TRMT9B: variants seen among roughly 807,000 people sequenced by gnomAD.
TRMT9B encodes the protein tRNA methyltransferase 9B (putative), also known as probable tRNA methyltransferase 9B.
Under a neutral mutation model 11.5 loss-of-function variants are expected in TRMT9B, and 16 were observed. The ratio of observed to expected loss-of-function variants is 1.39; its 90% CI spans 0.94 to 2.11. The LOEUF is 2.11. TRMT9B is among the 30% of genes most tolerant of loss of function. TRMT9B has a pLI of 0.00. For synonymous variants in TRMT9B, 274 were observed against 192.4 expected (o/e 1.42, Z -3.51); for missense variants, 941 against 553.8 (o/e 1.70, Z -7.02).
chr8:12,954,585 ATG>A (rs1376965487), intron 1 of TRMT9B, among the ~76,000 whole-genome samples: 1 of 152,204 alleles, frequency 6.6e-6, no homozygotes, highest in Non-Finnish European at 1.5e-5. Context: ...GTGCAATCTT[ATG>A]TTTTTACTCG....
chr8:12,986,658 TG>T (rs1806364938), intron 1 of TRMT9B, among the ~76,000 whole-genome samples: 1 of 152,230 alleles, frequency 6.6e-6, no homozygotes. Flanking sequence ...AAGTTTCCTT[TG>T]CTTTACCTTG....
At chr8:12,997,793 T>C (rs1808632751) in intron 2 of TRMT9B, among the ~76,000 whole-genome samples, 1 of 152,234 alleles carries the variant, frequency 6.6e-6, no homozygotes, top group Admixed American at 6.5e-5. Context: ...CCATAGGCTA[T>C]GCATATGTGT....
chr8:12,987,324 T>C (rs1283338461), intron 1 of TRMT9B, among the ~76,000 whole-genome samples: 2 of 152,178 alleles, frequency 1.3e-5, no homozygotes, highest in Admixed American at 1.3e-4. Flanking sequence ...AAATAATTAA[T>C]ACAGACACTT....
At chr8:12,998,735 C>T (rs1461033279) in intron 2 of TRMT9B, among the ~76,000 whole-genome samples, 1 of 152,210 alleles carries the variant, frequency 6.6e-6, no homozygotes, top group Non-Finnish European at 1.5e-5. Flanking sequence ...TACAGAGTGT[C>T]ATCTCCTTGA....
chr8:12,996,265 T>A (rs1808316608), intron 2 of TRMT9B, among the ~76,000 whole-genome samples: 1 of 152,182 alleles, frequency 6.6e-6, no homozygotes, highest in East Asian at 1.9e-4. Context: ...ATCACAAATA[T>A]AAGGTAGGTA....
intron 1 of TRMT9B, among the ~76,000 whole-genome samples, chr8:12,960,748 A>T (rs1801994620): frequency 6.6e-6 from 1 of 152,222 alleles, no homozygotes; most frequent in Non-Finnish European, 1.5e-5. Flanking sequence ...TAATTGACAT[A>T]TGCAAAGGCA....
intron 1 of TRMT9B, among the ~76,000 whole-genome samples, chr8:12,989,105 TG>T (rs1167657405): frequency 6.6e-6 from 1 of 152,142 alleles, no homozygotes; most frequent in African/African-American, 2.4e-5. Flanking sequence ...AATCTGGCTT[TG>T]CCCCTGAGCC....
At chr8:13,012,552 G>A (rs892541539) in intron 3 of TRMT9B, 132 bp from the exon 4 acceptor site, 2 of 1,199,640 alleles carry the variant, frequency 1.7e-6, no homozygotes, top group African/African-American at 3.1e-5. Context: ...TCCAGCCTGG[G>A]TGACTGAGGG....
Position 12,981,604 on chromosome 8 carries a change from A to T in TRMT9B, c.-199-9230A>T, listed in dbSNP as rs571096604. The stretch of plus-strand genomic sequence containing the variant: ...CTTTCTTTCTTTTATTTATTTATTT[A>T]TTTTTTTTTGATAGAAACAGGGTCT... On this transcript the variant is annotated intron_variant, in intron 1 of 4. Transcript: ENST00000524591. Among the ~76,000 whole-genome samples the T allele has an allele frequency of 6.8e-4, 103 of 150,652 alleles. No homozygotes were observed. The South Asian group carries it at 0.014, about 20-fold the overall frequency.
At chr8:13,002,065 T>C (rs995696645) in intron 2 of TRMT9B, among the ~76,000 whole-genome samples, 2 of 152,190 alleles carry the variant, frequency 1.3e-5, no homozygotes, top group African/African-American at 4.8e-5. Context: ...AACTGTAAAA[T>C]ATCAGAAAAA....
intron 4 of TRMT9B, among the ~76,000 whole-genome samples, chr8:13,017,394 G>A (rs1030531203): frequency 1.3e-5 from 2 of 152,032 alleles, no homozygotes; most frequent in East Asian, 1.9e-4. Context: ...TACTGCTTTA[G>A]GATGCATATA....
chr8:12,986,822 C>T (rs1323992253), intron 1 of TRMT9B, among the ~76,000 whole-genome samples: 1 of 152,220 alleles, frequency 6.6e-6, no homozygotes, highest in Admixed American at 6.5e-5. Context: ...AATATCCCTT[C>T]ATTTCAATCC....
intron 1 of TRMT9B, among the ~76,000 whole-genome samples, chr8:12,962,959 A>C (rs981301853): frequency 2.6e-5 from 4 of 152,326 alleles, no homozygotes; most frequent in African/African-American, 9.6e-5. Flanking sequence ...TTAATTGTCA[A>C]GTTAAAAACT....
intron 1 of TRMT9B, among the ~76,000 whole-genome samples, chr8:12,976,818 C>A (rs1348036557): frequency 1.3e-5 from 2 of 152,162 alleles, no homozygotes; most frequent in Non-Finnish European, 2.9e-5. Flanking sequence ...CTTGGCATGA[C>A]TTTAAACCCA....
At chr8:12,952,308 C>T (rs562519439) in intron 1 of TRMT9B, 42 of 365,748 alleles carry the variant, frequency 1.1e-4, no homozygotes, top group Admixed American at 2.7e-4. Flanking sequence ...GGGGGCGCGA[C>T]AGGTCGTCTA....
intron 1 of TRMT9B, chr8:12,958,264 G>C (rs1404614885): frequency 1.3e-5 from 2 of 152,088 alleles, no homozygotes; most frequent in Non-Finnish European, 2.9e-5. Flanking sequence ...TCCACCTTTT[G>C]CCTGTTGTGC....
intron 1 of TRMT9B, among the ~76,000 whole-genome samples, chr8:12,983,288 T>C (rs1434295527): frequency 4.6e-5 from 7 of 151,908 alleles, no homozygotes; most frequent in Non-Finnish European, 8.8e-5. Context: ...CAAGAAATCA[T>C]GTCAGTTTAT....
At chr8:13,011,552 TATATCTG>T (rs1389921351) in intron 3 of TRMT9B, 2 of 944,296 alleles carry the variant, frequency 2.1e-6, no homozygotes, top group Non-Finnish European at 2.5e-6. Context: ...AATTAGATTA[TATATCTG>T]TGATAGAATA....
chr8:13,021,261 C>T lies in TRMT9B; in HGVS notation c.582C>T (p.Cys194=). ...GAGGCCATCCCTACCATCCTCCTTG[C>T]TCTGAGTGTAGCTGTTCTGTTTGTT... ...PERGHPYHPP[C]SECSCSVCFK... Residue 194 remains cysteine (C), a synonymous_variant, in exon 5 of 5, where the codon TGC becomes TGT. Coordinates refer to ENST00000524591, the MANE Select transcript of TRMT9B (RefSeq NM_020844.3). 1 of 1,614,002 alleles carries T rather than the reference C, an allele frequency of 6.2e-7. No homozygotes were observed. The highest frequency in any genetic ancestry group is 2.2e-5 in the East Asian group (1 of 44,880).
Sources: allele counts gnomAD v4.1 joint callset (sites outside exome capture counted in the v4.1 genomes callset), GRCh38; gene constraint gnomAD v4.1.1; transcripts MANE v1.5; gene names NCBI Gene and HGNC (gene_info 2026-07-23, HGNC 2026-07-21).